The following CARF variants were observed in gnomAD, a reference collection of about 807,000 sequenced individuals.
CARF encodes the protein calcium responsive transcription factor.
In CARF, 57 loss-of-function variants were observed where a neutral mutation model predicts 82.0. The ratio of observed to expected loss-of-function variants is 0.70; its 90% CI spans 0.56 to 0.87. The LOEUF (loss-of-function observed/expected upper bound fraction) is 0.87, where lower values mean the gene tolerates loss of function less well. Among genes scored for constraint, CARF ranks in the 40% least tolerant of loss-of-function variants. CARF has a pLI of 0.00. For missense variants in CARF, 771 were observed against 855.8 expected (o/e 0.90, Z 1.24); for synonymous variants, 268 against 290.1 (o/e 0.92, Z 0.77).
intron 8 of CARF, among the ~76,000 whole-genome samples, chr2:202,960,799 T>G (rs1341176254): frequency 7.6e-6 from 1 of 132,292 alleles, no homozygotes. Context: ...CCCTCCTTCC[T>G]TCCCTCCTCT....
At chr2:202,955,160 T>C (rs1574664293) in intron 7 of CARF, among the ~76,000 whole-genome samples, 2 of 152,228 alleles carry the variant, frequency 1.3e-5, no homozygotes, top group Admixed American at 1.3e-4. Flanking sequence ...AAAATAATAC[T>C]ATGATATTTT....
intron 3 of CARF, among the ~76,000 whole-genome samples, chr2:202,932,293 A>G (rs1161710021): frequency 6.6e-6 from 1 of 152,074 alleles, no homozygotes; most frequent in African/African-American, 2.4e-5. Context: ...GAGTCTCACA[A>G]ACCTGTTATG....
At chr2:202,936,263 G>A (rs1190690103) in intron 3 of CARF, among the ~76,000 whole-genome samples, 1 of 151,962 alleles carries the variant, frequency 6.6e-6, no homozygotes, top group Non-Finnish European at 1.5e-5. Context: ...CATTGTGGTG[G>A]TACTATTTTA....
chr2:202,929,829 GC>G (rs1392780499), intron 3 of CARF, among the ~76,000 whole-genome samples: 2 of 152,100 alleles, frequency 1.3e-5, no homozygotes, highest in Non-Finnish European at 2.9e-5. Flanking sequence ...CTGGGCTCAA[GC>G]AATCCTCCTG....
chr2:202,980,727 T>C (rs1013486346), intron 14 of CARF, among the ~76,000 whole-genome samples: 2 of 145,094 alleles, frequency 1.4e-5, no homozygotes, highest in African/African-American at 5.1e-5. Flanking sequence ...CAAAAATATA[T>C]TTTTAATTGG....
At position 202,982,259 on chromosome 2, in the gene CARF, A is replaced by G. The variant is rs1268746630; in HGVS notation, c.1877A>G (p.Asn626Ser). Residue 626 changes from asparagine to serine, a missense_variant, in exon 16 of 17, where the codon AAT (asparagine) becomes AGT (serine). Physicochemically the swap from Asn to Ser is conservative, Grantham distance 46 (BLOSUM62 1). Transcript: ENST00000438828. ...AGAGATACATGCTTAACCCAAAACA[A>G]TAGTACTGCCTCCACCATGGGTAAC... ...LQRDTCLTQN[N>S]STASTMGNLP... 1.2e-6 allele frequency: 2 copies of G among 1,614,074 alleles called. No homozygotes were observed. Among genetic ancestry groups the G allele is most frequent in the Non-Finnish European group, 1.7e-6 (2 of 1,180,032 alleles).
At chr2:202,947,898 T>A (rs2058574579) in intron 5 of CARF, among the ~76,000 whole-genome samples, 1 of 152,224 alleles carries the variant, frequency 6.6e-6, no homozygotes. Context: ...TTGTGATTGC[T>A]TTTAGTGTCT....
chr2:202,930,881 T>C (rs1362341154), intron 3 of CARF, among the ~76,000 whole-genome samples: 1 of 152,042 alleles, frequency 6.6e-6, no homozygotes, highest in East Asian at 1.9e-4. Flanking sequence ...TATATTTAGA[T>C]GATGAGGATG....
chr2:202,979,837 A>G (rs951631218), intron 14 of CARF, among the ~76,000 whole-genome samples: 4 of 152,042 alleles, frequency 2.6e-5, no homozygotes, highest in Admixed American at 6.6e-5. Flanking sequence ...AAACTGAGTT[A>G]TATAGCGTAT....
At chr2:202,936,273 A>G (rs763785439) in intron 3 of CARF, among the ~76,000 whole-genome samples, 1 of 152,174 alleles carries the variant, frequency 6.6e-6, no homozygotes, top group Non-Finnish European at 1.5e-5. Context: ...GTACTATTTT[A>G]CTTTTTTTAA....
intron 3 of CARF, 43 bp from the exon 4 acceptor site, chr2:202,941,817 A>G (rs2058242604): frequency 9.7e-7 from 1 of 1,028,624 alleles, no homozygotes; most frequent in Admixed American, 1.9e-5. Flanking sequence ...AGTCCACAAA[A>G]ATACTAAGTG....
chr2:202,981,341 C>T (rs1195783020), intron 14 of CARF, among the ~76,000 whole-genome samples: 1 of 152,112 alleles, frequency 6.6e-6, no homozygotes, highest in Non-Finnish European at 1.5e-5. Context: ...GCTTGCTTGC[C>T]CCATGCTCAC....
intron 3 of CARF, chr2:202,925,483 A>C: frequency 3.8e-6 from 1 of 260,002 alleles, no homozygotes. Flanking sequence ...AAGCATGTAC[A>C]AGGAGTATTA....
rs573836683 is a variant in CARF, at chr2:202,923,706, A to G, written c.-162-591A>G. Among the ~76,000 whole-genome samples, 4 of 152,334 alleles carry G rather than the reference A, an allele frequency of 2.6e-5. No individual in the cohort carries two copies. The East Asian group carries it at 5.8e-4, about 22-fold the overall frequency. ...AAAAGAACAAATCCGGAGGCATTAC[A>G]TTACCTGATTTCGAACTATACTATA... On this transcript the variant is annotated intron_variant, in intron 2 of 16. Transcript: ENST00000438828.
At chr2:202,930,388 TTA>T (rs1271290021) in intron 3 of CARF, among the ~76,000 whole-genome samples, 1 of 152,208 alleles carries the variant, frequency 6.6e-6, no homozygotes, top group Non-Finnish European at 1.5e-5. Flanking sequence ...CCCATAATTC[TTA>T]TAGACTTTCT....
At chr2:202,975,969 C>T (rs939404592) in intron 13 of CARF, among the ~76,000 whole-genome samples, 11 of 149,520 alleles carry the variant, frequency 7.4e-5, no homozygotes, top group East Asian at 2.1e-4. Flanking sequence ...CACTTGAATC[C>T]GGGAGGCGGA....
At chr2:202,983,241 G>A (rs745327542) in intron 16 of CARF, among the ~76,000 whole-genome samples, 1 of 152,000 alleles carries the variant, frequency 6.6e-6, no homozygotes, top group Non-Finnish European at 1.5e-5. Flanking sequence ...TGGGCATTTA[G>A]GTTTAGCCCA....
At position 202,967,057 on chromosome 2, in the gene CARF, A is replaced by G. The variant is rs1336086200; in HGVS notation, c.912A>G (p.Glu304=). 2.5e-6 allele frequency: 4 copies of G among 1,614,130 alleles called. No homozygotes were observed. Among genetic ancestry groups the G allele is most frequent in the Non-Finnish European group, 3.4e-6 (4 of 1,179,992 alleles). ...GFQLKKVSEQ[E]SRSCQLYKAT... is the part of the protein sequence containing the mutation. ...AGTTAAAAAAAGTCAGTGAGCAGGAAAGCAGGTCTTGTCAGCTCTACAAAG... is the reference window on the plus strand; with the variant it reads ...AGTTAAAAAAAGTCAGTGAGCAGGAGAGCAGGTCTTGTCAGCTCTACAAAG... The change falls in exon 10 of 17, where the codon GAA becomes GAG. Residue 304 remains glutamate (E), a synonymous_variant. Coordinates refer to ENST00000438828, the MANE Select transcript of CARF (RefSeq NM_024744.17).
At position 202,974,354 on chromosome 2, in the gene CARF, T is replaced by C; in HGVS notation, c.1352T>C (p.Leu451Pro). Residue 451 changes from leucine to proline, a missense_variant, in exon 13 of 17, where the codon CTG becomes CCG. By Grantham distance (98) the Leu-to-Pro change is moderately conservative. Coordinates refer to ENST00000438828, the MANE Select transcript of CARF (RefSeq NM_024744.17). ...TACAGAAAATTTGTGGAAAGGGAACTGTTCAAACCCGATGAGGTACCTGAA... is the reference window on the plus strand; with the variant it reads ...TACAGAAAATTTGTGGAAAGGGAACCGTTCAAACCCGATGAGGTACCTGAA... The part of the protein sequence containing the change: ...KQLRKFVERE[L>P]FKPDEVPERH... 1 of 1,586,238 alleles carries C rather than the reference T, an allele frequency of 6.3e-7. No individual in the cohort carries two copies. Among genetic ancestry groups the C allele is most frequent in the Non-Finnish European group, 8.5e-7 (1 of 1,173,034 alleles).
Sources: allele counts gnomAD v4.1 joint callset (sites outside exome capture counted in the v4.1 genomes callset), GRCh38; gene constraint gnomAD v4.1.1; transcripts MANE v1.5; gene names NCBI Gene and HGNC (gene_info 2026-07-23, HGNC 2026-07-21).